The following PER1 variants were observed in gnomAD, a reference collection of about 807,000 sequenced individuals.
PER1 encodes period circadian regulator 1.
In PER1, 87 loss-of-function variants were observed where a neutral mutation model predicts 125.9. The observed-to-expected ratio is 0.69, with a 90% CI of 0.58 to 0.83. PER1 has a LOEUF of 0.83. Among genes scored for constraint, PER1 ranks in the 40% least tolerant of loss-of-function variants. The probability of loss-of-function intolerance (pLI) is 0.00; values close to 1 mark genes in which losing one functional copy is unlikely to be tolerated. For missense variants in PER1, 1,775 were observed against 1,722.8 expected, an observed-to-expected ratio of 1.03 and a Z score of -0.54; for synonymous variants, 801 against 714.7, an observed-to-expected ratio of 1.12 and a Z score of -1.93.
rs1292028491 is a variant in PER1 at position 8,143,494 on chromosome 17, A to T, written c.2844T>A (p.Thr948=). The change falls in exon 19 of 23, where the codon ACT becomes ACA. Residue 948 remains threonine (T), a synonymous_variant. Transcript: ENST00000317276. ...ATGGAGAAGGGGAGTGCGAGGCAGG[A>T]GTGGGAGGCCCTTCAGCAGGGGTCT... The part of the protein sequence containing the change: ...ALQTPAEGPP[T]PASHSPSPSL... The T allele has an allele frequency of 6.3e-7, 1 of 1,583,226 alleles. No homozygotes were observed. The highest frequency in any genetic ancestry group is 8.6e-7 in the Non-Finnish European group (1 of 1,162,810).
In PER1 at chr17:8,148,219, C is replaced by G. The variant is rs1346783413; in HGVS notation, c.1089G>C (p.Arg363=). 1.2e-6 allele frequency: 2 copies of G among 1,614,076 alleles called. No individual in the cohort carries two copies. The highest frequency in any genetic ancestry group is 1.7e-6 in the Non-Finnish European group (2 of 1,179,982). ...CCTGGAAGAGGCAGCTGGGTGTGTG[C>G]CGCGTAGTGAAAATCCTCTTGTCAG... ...IPPDKRIFTT[R]HTPSCLFQDV... is the part of the protein sequence containing the mutation. Residue 363 remains arginine, a synonymous_variant, in exon 9 of 23, where the codon CGG becomes CGC. Coordinates refer to ENST00000317276, the MANE Select transcript of PER1 (RefSeq NM_002616.3).
intron 1 of PER1, among the ~76,000 whole-genome samples, 191 bp downstream of exon 1, chr17:8,152,146 G>T (rs1223370921): frequency 6.6e-6 from 1 of 152,220 alleles, no homozygotes; most frequent in Non-Finnish European, 1.5e-5. Flanking sequence ...AGATGAGTGG[G>T]TCAGGAGTGC....
chr17:8,146,410 C>T lies in PER1; in HGVS notation c.2000G>A (p.Arg667Lys). The T allele has an allele frequency of 6.2e-7, 1 of 1,613,096 alleles. No individual in the cohort carries two copies. Among genetic ancestry groups the T allele is most frequent in the African/African-American group, 1.3e-5 (1 of 75,042 alleles). The change falls in exon 16 of 23, where the codon AGG (arginine) becomes AAG (lysine). Residue 667 changes from arginine to lysine, a missense_variant. Physicochemically the swap from Arg to Lys is conservative, Grantham distance 26 (BLOSUM62 2). Transcript: ENST00000317276. The stretch of plus-strand genomic sequence containing the variant: ...CACAGAGACTGGACCTGTCCTCTGC[C>T]TGTCGTCGTCAGAGGCTGAGGAGGT... Reference protein sequence around the residue: ...YTTSSASDDDRQRTGPVSVGT... With the variant: ...YTTSSASDDDKQRTGPVSVGT...
intron 10 of PER1, 32 bp downstream of exon 10, chr17:8,147,965 T>C (rs1363247701): frequency 1.3e-6 from 2 of 1,595,818 alleles, no homozygotes; most frequent in Non-Finnish European, 1.7e-6. Context: ...CCCAGGACAG[T>C]GGGAAGGGCG....
rs1308647571 is a variant in PER1, at chr17:8,143,735, CA to C, written c.2602del (p.Trp868GlyfsTer48). On this transcript the variant is annotated frameshift_variant, in exon 19 of 23. Transcript: ENST00000317276. LOFTEE classifies it high-confidence loss of function. The part of the protein sequence containing the change: ...HPSPVPPSTP[W>X]PTPPATTPFP... ...GGGGGTAGTGGCTGGTGGGGTGGGC[CA>C]GGGGGTGGAGGGTGGCACGGGTGAG... is the stretch of plus-strand genomic sequence containing the variant. 4 of 1,363,534 alleles carry C rather than the reference CA, an allele frequency of 2.9e-6. No individual in the cohort carries two copies. The highest frequency in any genetic ancestry group is 3.8e-6 in the Non-Finnish European group (4 of 1,046,738). The allele number at this position is 1,363,534 out of a possible 1,614,324, so 84.5% of individuals were successfully genotyped here.
intron 21 of PER1, 44 bp downstream of exon 21, chr17:8,142,225 C>T: frequency 6.7e-7 from 1 of 1,490,676 alleles, no homozygotes; most frequent in Non-Finnish European, 9.1e-7. Context: ...GCCCCCACTA[C>T]TACCTCTGAA....
chr17:8,142,528 C>T lies in PER1; in HGVS notation c.3260-70G>A, dbSNP rs796435076. On this transcript the variant is annotated intron_variant, in intron 20 of 22. Transcript: ENST00000317276. ...GCCCACTCCTGGGACCTCACAAGGCCTCCCTCAAAGGCCACATGTCCATCC... is the reference window on the plus strand; with the variant it reads ...GCCCACTCCTGGGACCTCACAAGGCTTCCCTCAAAGGCCACATGTCCATCC... 7.1e-6 allele frequency: 11 copies of T among 1,546,984 alleles called. No individual in the cohort carries two copies. The East Asian group carries it at 1.1e-4, about 16-fold the overall frequency.
rs1001386956 is a variant in PER1, at chr17:8,149,618, A to G, written c.697T>C (p.Tyr233His). Reference sequence around the variant, plus strand: ...AGGACGGCTGCCTGCTCCGAAATGTAGACGATTCGGCCCGTCAGGAAGGAG... The same window carrying G: ...AGGACGGCTGCCTGCTCCGAAATGTGGACGATTCGGCCCGTCAGGAAGGAG... ...AVSFLTGRIV[Y>H]ISEQAAVLLR... The change falls in exon 6 of 23, where the codon TAC becomes CAC. Residue 233 changes from tyrosine to histidine, a missense_variant. Transcript: ENST00000317276. 1.2e-6 allele frequency: 2 copies of G among 1,611,944 alleles called. No individual in the cohort carries two copies. The highest frequency in any genetic ancestry group is 2.2e-5 in the East Asian group (1 of 44,812).
At chr17:8,147,195 CAAG>C (rs942860632) in intron 13 of PER1, 52 bp downstream of exon 13, 36 of 1,556,676 alleles carry the variant, frequency 2.3e-5, no homozygotes, top group African/African-American at 9.5e-5. Context: ...GTGCTGGTTC[CAAG>C]AAGGAGAGGG....
chr17:8,149,242 C>T lies in PER1; in HGVS notation c.905+17G>A. Reference sequence around the variant, plus strand: ...AAAAAAAGGAGGCAGAGGTCTTCTCCAGTTCCCCTCACCTACCTGATACGG... The same window carrying T: ...AAAAAAAGGAGGCAGAGGTCTTCTCTAGTTCCCCTCACCTACCTGATACGG... On this transcript the variant is annotated intron_variant, in intron 7 of 22. Coordinates refer to ENST00000317276, the MANE Select transcript of PER1 (RefSeq NM_002616.3). The T allele has an allele frequency of 6.2e-7, 1 of 1,610,040 alleles. No individual in the cohort carries two copies. Among genetic ancestry groups the T allele is most frequent in the Non-Finnish European group, 8.5e-7 (1 of 1,177,224 alleles).
At position 8,147,237 on chromosome 17, in the gene PER1, G is replaced by A. The variant is rs1047384620; in HGVS notation, c.1629+13C>T. The A allele has an allele frequency of 1.6e-5, 25 of 1,599,026 alleles. No homozygotes were observed. The highest frequency in any genetic ancestry group is 2.0e-5 in the Non-Finnish European group (24 of 1,172,854). On this transcript the variant is annotated intron_variant, in intron 13 of 22. Coordinates refer to ENST00000317276, the MANE Select transcript of PER1 (RefSeq NM_002616.3). ...AGGGCGATTAGAGGGTGAGGTAGGA[G>A]CAGGTCACTCACTGGCGCAGGAGGC...
At chr17:8,149,165 G>C in intron 7 of PER1, 94 bp downstream of exon 7, 2 of 1,154,602 alleles carry the variant, frequency 1.7e-6, no homozygotes, top group Middle Eastern at 2.0e-4. Context: ...GTCCAGCCTG[G>C]GTGACAGAGT....
chr17:8,149,151 C>T (rs905128451), intron 7 of PER1, 108 bp downstream of exon 7: 47 of 1,009,480 alleles, frequency 4.7e-5, no homozygotes, highest in Middle Eastern at 2.3e-4. Context: ...ATCGTGCCAC[C>T]GCAGTCCAGC....
chr17:8,143,171 G>A, intron 19 of PER1, 95 bp downstream of exon 19: 1 of 956,302 alleles, frequency 1.0e-6, no homozygotes, highest in South Asian at 1.8e-5. Flanking sequence ...TGGAGGCTGA[G>A]ACGCCAGCCT....
Position 8,149,485 on chromosome 17 carries a change from G to A in PER1, c.830C>T (p.Thr277Ile), listed in dbSNP as rs776346326. ...YGSTAPSRLP[T>I]WGTGASAGSG... ...ACCTGCTGAGGCCCCTGTGCCCCAG[G>A]TGGGCAGGCGAGATGGAGCAGTGGA... Residue 277 changes from threonine to isoleucine, a missense_variant, in exon 6 of 23, where the codon ACC (threonine) becomes ATC (isoleucine). Transcript: ENST00000317276. 2.5e-6 allele frequency: 4 copies of A among 1,613,392 alleles called. No individual in the cohort carries two copies. In the African/African-American group the frequency reaches 5.3e-5, roughly 22 times the overall value.
intron 21 of PER1, 81 bp from the exon 22 acceptor site, chr17:8,142,036 A>G: frequency 6.4e-7 from 1 of 1,566,166 alleles, no homozygotes; most frequent in Non-Finnish European, 8.7e-7. Flanking sequence ...TCCTTCCTCT[A>G]CCACAGCTTC....
rs202104473 is a variant in PER1, at chr17:8,150,545, G to A, written c.162C>T (p.Gly54=). The A allele has an allele frequency of 1.9e-6, 3 of 1,614,176 alleles. No homozygotes were observed. Among genetic ancestry groups the A allele is most frequent in the Non-Finnish European group, 2.5e-6 (3 of 1,180,028 alleles). The change falls in exon 2 of 23, where the codon GGC becomes GGT. Residue 54 remains glycine (G), a synonymous_variant. Coordinates refer to ENST00000317276, the MANE Select transcript of PER1 (RefSeq NM_002616.3). ...TAGACTCATGCCCGTTGGACTCATT[G>A]CCACTTGAACCATTGCTGTTGGCAT... The part of the protein sequence containing the change: ...DTDANSNGSS[G]NESNGHESRG...
In PER1 at chr17:8,147,979, AG is replaced by A; in HGVS notation, c.1234+17del. The A allele has an allele frequency of 6.2e-7, 1 of 1,604,002 alleles. No individual in the cohort carries two copies. The highest frequency in any genetic ancestry group is 1.1e-5 in the South Asian group (1 of 90,312). On this transcript the variant is annotated intron_variant, in intron 10 of 22. Transcript: ENST00000317276. Reference sequence around the variant, plus strand: ...GCCCAGGACAGTGGGAAGGGCGAGCAGGGCGAGAGGAACTCACTCTTCTTGT... The same window carrying A: ...GCCCAGGACAGTGGGAAGGGCGAGCAGGCGAGAGGAACTCACTCTTCTTGT...
chr17:8,146,512 G>T lies in PER1; in HGVS notation c.1908-10C>A. On this transcript the variant is annotated splice_polypyrimidine_tract_variant and intron_variant, in intron 15 of 22. Transcript: ENST00000317276. Reference sequence around the variant, plus strand: ...GCAGCTCTCCAGGTACCTGGGGATGGACACAGCACAGGGCATCAGAGCAGG... The same window carrying T: ...GCAGCTCTCCAGGTACCTGGGGATGTACACAGCACAGGGCATCAGAGCAGG... The T allele has an allele frequency of 6.2e-7, 1 of 1,610,854 alleles. No homozygotes were observed. Among genetic ancestry groups the T allele is most frequent in the Non-Finnish European group, 8.5e-7 (1 of 1,178,406 alleles).
Sources: allele counts gnomAD v4.1 joint callset (sites outside exome capture counted in the v4.1 genomes callset), GRCh38; gene constraint gnomAD v4.1.1; transcripts MANE v1.5; gene names NCBI Gene and HGNC (gene_info 2026-07-23, HGNC 2026-07-21).